SEC24B: variants seen among roughly 807,000 people sequenced by gnomAD.
SEC24B encodes the protein protein transport protein Sec24B.
A neutral mutation model predicts 142.8 loss-of-function variants in SEC24B; 45 were observed. The observed-to-expected ratio is 0.32, with a 90% CI of 0.25 to 0.40. SEC24B has a LOEUF of 0.40. Among genes scored for constraint, SEC24B ranks in the 10% least tolerant of loss-of-function variants. The pLI is 1.00. For missense variants in SEC24B, 1,409 were observed against 1,526.8 expected (o/e 0.92, Z 1.29); for synonymous variants, 574 against 568.2 (o/e 1.01, Z -0.15).
intron 5 of SEC24B, among the ~76,000 whole-genome samples, chr4:109,493,985 C>T (rs746209432): frequency 4.3e-4 from 65 of 152,110 alleles, no homozygotes; most frequent in Non-Finnish European, 6.6e-4. Context: ...CTACTCCTTC[C>T]ATAGTTAGTT....
intron 4 of SEC24B, among the ~76,000 whole-genome samples, chr4:109,482,961 T>TACACACACAC (rs1284270282): frequency 1.1e-4 from 6 of 56,902 alleles, no homozygotes; most frequent in African/African-American, 7.2e-4. Context: ...TATATATATA[T>TACACACACAC]ATATATATAT....
At chr4:109,524,522 G>C (rs897410748) in intron 14 of SEC24B, among the ~76,000 whole-genome samples, 1 of 151,940 alleles carries the variant, frequency 6.6e-6, no homozygotes, top group Non-Finnish European at 1.5e-5. Flanking sequence ...TGTAATCTTG[G>C]TCAAGTTACT....
intron 22 of SEC24B, among the ~76,000 whole-genome samples, chr4:109,537,862 T>G (rs1725731762): frequency 6.6e-6 from 1 of 152,220 alleles, no homozygotes; most frequent in African/African-American, 2.4e-5. Flanking sequence ...AATTTTGTTA[T>G]ATACTACATT....
chr4:109,484,851 CAAA>C (rs36027800), intron 4 of SEC24B, among the ~76,000 whole-genome samples: 8 of 72,724 alleles, frequency 1.1e-4, no homozygotes, highest in Non-Finnish European at 8.8e-5. Flanking sequence ...GACTCTGTCT[CAAA>C]AAAAAAAAAA....
At chr4:109,525,323 A>C (rs1724097538) in intron 15 of SEC24B, 23 bp from the exon 16 acceptor site, 4 of 1,551,600 alleles carry the variant, frequency 2.6e-6, no homozygotes, top group African/African-American at 2.8e-5. Flanking sequence ...TATAGCTAAT[A>C]CTTTTTGTAT....
intron 6 of SEC24B, among the ~76,000 whole-genome samples, chr4:109,500,809 G>A (rs910307533): frequency 2.6e-5 from 4 of 151,790 alleles, no homozygotes; most frequent in Non-Finnish European, 4.4e-5. Flanking sequence ...GCGCCTGCCA[G>A]TACCACGCCC....
intron 6 of SEC24B, among the ~76,000 whole-genome samples, chr4:109,502,413 G>A (rs1736242547): frequency 6.6e-6 from 1 of 152,170 alleles, no homozygotes; most frequent in African/African-American, 2.4e-5. Flanking sequence ...AAGACAAAAT[G>A]GAAACAGAGA....
chr4:109,491,756 C>A (rs1194596254), intron 5 of SEC24B, among the ~76,000 whole-genome samples: 1 of 152,018 alleles, frequency 6.6e-6, no homozygotes, highest in Non-Finnish European at 1.5e-5. Context: ...TTCTTTTCAA[C>A]CAGCCTCTGA....
chr4:109,485,211 T>A (rs960914322), intron 4 of SEC24B, among the ~76,000 whole-genome samples: 7 of 152,272 alleles, frequency 4.6e-5, no homozygotes, highest in Non-Finnish European at 1.0e-4. Context: ...TAGCTGTCAT[T>A]ACCAGCATTG....
chr4:109,449,385 G>C (rs969006928), intron 1 of SEC24B: 1 of 374,784 alleles, frequency 2.7e-6, no homozygotes, highest in African/African-American at 2.2e-5. Flanking sequence ...CACCATGCCT[G>C]GCTAATTTTT....
chr4:109,475,908 T>G (rs1332919324), intron 3 of SEC24B, among the ~76,000 whole-genome samples: 1 of 152,180 alleles, frequency 6.6e-6, no homozygotes, highest in South Asian at 2.1e-4. Flanking sequence ...AAAATTTGTT[T>G]TATTATCTAT....
intron 11 of SEC24B, among the ~76,000 whole-genome samples, chr4:109,519,238 C>CGA (rs1723336536): frequency 1.3e-5 from 2 of 152,116 alleles, no homozygotes; most frequent in African/African-American, 4.8e-5. Context: ...TCCATTTACT[C>CGA]TATTAGCCTT....
At chr4:109,528,705 A>C (rs112208609) in intron 18 of SEC24B, among the ~76,000 whole-genome samples, 1 of 152,222 alleles carries the variant, frequency 6.6e-6, no homozygotes, top group East Asian at 1.9e-4. Context: ...GAGAATTAAC[A>C]TAGCACTTAA....
rs1423249389 is a variant in SEC24B, at chr4:109,498,273, G to A, written c.1488+3417G>A. Among the ~76,000 whole-genome samples, 5 of 152,200 alleles carry A rather than the reference G, an allele frequency of 3.3e-5. No individual in the cohort carries two copies. The East Asian group carries it at 9.6e-4, about 29-fold the overall frequency. On this transcript the variant is annotated intron_variant, in intron 6 of 23. Coordinates refer to ENST00000265175, the MANE Select transcript of SEC24B (RefSeq NM_006323.5). The stretch of plus-strand genomic sequence containing the variant: ...CAGTAATGATTTAGGTATACAGCTA[G>A]GACCTACATTTAAATTCTTACCTGT...
chr4:109,491,247 A>G, intron 4 of SEC24B, 80 bp from the exon 5 acceptor site: 1 of 1,104,394 alleles, frequency 9.1e-7, no homozygotes, highest in Non-Finnish European at 1.3e-6. Flanking sequence ...CCGCAAAAAC[A>G]TCTTTTTCAA....
intron 2 of SEC24B, among the ~76,000 whole-genome samples, chr4:109,470,283 C>G (rs867709793): frequency 6.6e-6 from 1 of 152,208 alleles, no homozygotes; most frequent in African/African-American, 2.4e-5. Context: ...TCTGTGTCAC[C>G]TGGGATCCTG....
rs555883652 is a variant in SEC24B at position 109,478,146 on chromosome 4, C to T, written c.1061-3531C>T. 4.7e-4 allele frequency among the ~76,000 whole-genome samples: 72 copies of T among 151,956 alleles called. 1 individual carries two copies. The highest frequency in any genetic ancestry group is 2.0e-3 in the Admixed American group (30 of 15,258). On this transcript the variant is annotated intron_variant, in intron 3 of 23. Coordinates refer to ENST00000265175, the MANE Select transcript of SEC24B (RefSeq NM_006323.5). Reference sequence around the variant, plus strand: ...AAAATGTAAAAAAAAATTAGCTGGGCGTGATGGCACAGGCCTGTAATCCCA... The same window carrying T: ...AAAATGTAAAAAAAAATTAGCTGGGTGTGATGGCACAGGCCTGTAATCCCA...
intron 1 of SEC24B, among the ~76,000 whole-genome samples, chr4:109,447,474 A>C (rs529057951): frequency 8.5e-5 from 13 of 152,202 alleles, no homozygotes; most frequent in Non-Finnish European, 1.6e-4. Context: ...TCAAGCATAC[A>C]ATCTTAGTTG....
In SEC24B at chr4:109,462,769, A is replaced by G. The variant is rs569465117; in HGVS notation, c.134-132A>G. 176 of 731,130 alleles carry G rather than the reference A, an allele frequency of 2.4e-4. 1 individual carries two copies. The highest frequency in any genetic ancestry group is 3.5e-4 in the Non-Finnish European group (157 of 450,628). The allele number at this position is 731,130 out of a possible 1,614,324, so 45.3% of individuals were successfully genotyped here. ...GGAGGCAGGCTACCATAATGGGTCT[A>G]TAACAGTGTATACCTTTTGTAATAA... On this transcript the variant is annotated intron_variant, in intron 1 of 23. Transcript: ENST00000265175.
Sources: allele counts gnomAD v4.1 joint callset (sites outside exome capture counted in the v4.1 genomes callset), GRCh38; gene constraint gnomAD v4.1.1; transcripts MANE v1.5; gene names NCBI Gene and HGNC (gene_info 2026-07-23, HGNC 2026-07-21).